PCDH1: variants seen among roughly 807,000 people sequenced by gnomAD.
PCDH1 encodes the protein protocadherin 1.
Under a neutral mutation model 74.6 loss-of-function variants are expected in PCDH1, and 23 were observed. The observed-to-expected ratio is 0.31, with a 90% CI of 0.22 to 0.44. PCDH1 has a LOEUF of 0.44. Ranked by LOEUF, PCDH1 falls within the 20% of genes least tolerant of loss-of-function variation. The probability of loss-of-function intolerance (pLI) is 1.00; values close to 1 mark genes in which losing one functional copy is unlikely to be tolerated. For synonymous variants in PCDH1, 647 were observed against 686.1 expected (o/e 0.94, Z 0.89); for missense variants, 1,214 against 1,641.4 (o/e 0.74, Z 4.50).
rs1752949762 is a variant in PCDH1 at position 141,868,421 on chromosome 5, A to T, written c.903+148T>A. 7.1e-7 allele frequency: 1 copy of T among 1,407,472 alleles called. No individual in the cohort carries two copies. Among genetic ancestry groups the T allele is most frequent in the East Asian group, 2.6e-5 (1 of 39,154 alleles). 87.2% of individuals were successfully genotyped at this position (1,407,472 alleles called of 1,614,324 possible). A position where few individuals can be genotyped will look rare whatever the true frequency, so the allele number is the denominator to read the frequency against. On this transcript the variant is annotated intron_variant, in intron 2 of 4. Coordinates refer to ENST00000287008, the MANE Select transcript of PCDH1 (RefSeq NM_032420.5). This position sits in a 1 kb window ranked among gnomAD's most constrained non-coding sequence, Gnocchi z 4.8. The stretch of plus-strand genomic sequence containing the variant: ...CACCTGCTGGGGTGGGGTGGGAAAG[A>T]CTCCCCTGGCTGAGTTTGGGGAGAA...
At position 141,878,222 on chromosome 5, in the gene PCDH1, C is replaced by A; in HGVS notation, c.40+1G>T. On this transcript the variant is annotated splice_donor_variant, in intron 1 of 4. Coordinates refer to ENST00000287008, the MANE Select transcript of PCDH1 (RefSeq NM_032420.5). LOFTEE classifies it high-confidence loss of function. The surrounding 1 kb of genome is among the most constrained non-coding windows in gnomAD (Gnocchi z 5.5). The stretch of plus-strand genomic sequence containing the variant: ...TGCCTCCACCGCCGCCGGATCCTTA[C>A]CCGCCTCCGGGCAGCGCCGGCCGCC... 2 of 1,418,816 alleles carry A rather than the reference C, an allele frequency of 1.4e-6. No individual in the cohort carries two copies. Among genetic ancestry groups the A allele is most frequent in the Admixed American group, 2.7e-5 (1 of 36,978 alleles). The allele number at this position is 1,418,816 out of a possible 1,614,324, so 87.9% of individuals were successfully genotyped here. A position where few individuals can be genotyped will look rare whatever the true frequency, so the allele number is the denominator to read the frequency against.
At chr5:141,855,506 T>C (rs1241241732) in intron 4 of PCDH1, among the ~76,000 whole-genome samples, 3 of 152,040 alleles carry the variant, frequency 2.0e-5, no homozygotes, top group Non-Finnish European at 4.4e-5. Context: ...CACACACAGA[T>C]AGGCATGGAT....
At position 141,869,299 on chromosome 5, in the gene PCDH1, G is replaced by C; in HGVS notation, c.173C>G (p.Thr58Ser). 1.2e-6 allele frequency: 2 copies of C among 1,605,004 alleles called. No individual in the cohort carries two copies. Among genetic ancestry groups the C allele is most frequent in the Non-Finnish European group, 1.7e-6 (2 of 1,176,096 alleles). The change falls in exon 2 of 5, where the codon ACT becomes AGT. Residue 58 changes from threonine to serine, a missense_variant. Physicochemically the swap from Thr to Ser is moderately conservative, Grantham distance 58. This residue lies in a region of PCDH1 where 87 missense variants were observed against 87.7 expected (regional missense o/e 0.99). Transcript: ENST00000287008. The surrounding 1 kb of genome is among the most constrained non-coding windows in gnomAD (Gnocchi z 4.9). The stretch of plus-strand genomic sequence containing the variant: ...CTCCGGCACCTTGTACACTACCCGA[G>C]TGGCGTGGCCTGGGGATGGAGCCAG... ...LLLAPSPGHATRVVYKVPEEQ... is the reference protein window; with the variant it reads ...LLLAPSPGHASRVVYKVPEEQ...
intron 4 of PCDH1, among the ~76,000 whole-genome samples, 173 bp downstream of exon 4, chr5:141,857,079 A>T (rs1752376458): frequency 6.6e-6 from 1 of 152,218 alleles, no homozygotes; most frequent in African/African-American, 2.4e-5. Context: ...AAAGTTCTCA[A>T]ATCACAGAGT....
intron 3 of PCDH1, among the ~76,000 whole-genome samples, chr5:141,859,391 C>T (rs1236369989): frequency 6.6e-6 from 1 of 152,140 alleles, no homozygotes; most frequent in Non-Finnish European, 1.5e-5. Flanking sequence ...ACTTAATGTT[C>T]CCTCTAATTT....
Position 141,861,115 on chromosome 5 carries a change from CAAAAAAA to C in PCDH1, c.3099+2110_3099+2116del, listed in dbSNP as rs59007688. ...GGGCAACAAGAGCAAAACTCCATCT[CAAAAAAA>C]AAAAAAAAAAAAAAAAAGGAAGTGA... On this transcript the variant is annotated intron_variant, in intron 3 of 4. Coordinates refer to ENST00000287008, the MANE Select transcript of PCDH1 (RefSeq NM_032420.5). 3.1e-4 allele frequency among the ~76,000 whole-genome samples: 19 copies of C among 61,944 alleles called. No homozygotes were observed. The East Asian group carries it at 7.6e-3, about 25-fold the overall frequency. The allele number at this position is 61,944 out of a possible 152,430, so 40.6% of individuals were successfully genotyped here. A position where few individuals can be genotyped will look rare whatever the true frequency, so the allele number is the denominator to read the frequency against.
chr5:141,871,935 T>C (rs1561488873), intron 1 of PCDH1, among the ~76,000 whole-genome samples: 1 of 152,186 alleles, frequency 6.6e-6, no homozygotes, highest in South Asian at 2.1e-4. Flanking sequence ...TTAGGGCACA[T>C]AGTAGACTCT....
At chr5:141,861,740 T>A (rs1357834952) in intron 3 of PCDH1, among the ~76,000 whole-genome samples, 1 of 152,012 alleles carries the variant, frequency 6.6e-6, no homozygotes, top group Non-Finnish European at 1.5e-5. Flanking sequence ...TGGAGATAGG[T>A]TGCCTCTGGC....
intron 2 of PCDH1, among the ~76,000 whole-genome samples, chr5:141,867,302 G>A (rs151245008): frequency 3.5e-4 from 53 of 152,088 alleles, no homozygotes; most frequent in South Asian, 1.0e-3. Context: ...CTACTCTCCC[G>A]CTTCACCTCA....
rs780488014 is a variant in PCDH1 at position 141,869,157 on chromosome 5, T to G, written c.315A>C (p.Thr105=). ...GAPYLRVDGK[T]GDIFTTETSI... ...AGGTCTCGGTGGTGAAAATGTCACC[T>G]GTCTTGCCATCCACGCGAAGGTACG... The change falls in exon 2 of 5, where the codon ACA becomes ACC. Residue 105 remains threonine (T), a synonymous_variant. Coordinates refer to ENST00000287008, the MANE Select transcript of PCDH1 (RefSeq NM_032420.5). The surrounding 1 kb of genome is among the most constrained non-coding windows in gnomAD (Gnocchi z 4.9). 1 of 1,600,444 alleles carries G rather than the reference T, an allele frequency of 6.2e-7. No homozygotes were observed.
At chr5:141,875,114 T>C (rs1753187748) in intron 1 of PCDH1, among the ~76,000 whole-genome samples, 1 of 152,228 alleles carries the variant, frequency 6.6e-6, no homozygotes, top group Non-Finnish European at 1.5e-5. Context: ...CTTGAAATTA[T>C]TTGGGAGAAT....
chr5:141,853,700 C>T lies in PCDH1; in HGVS notation c.*342G>A, dbSNP rs984228013. The T allele has an allele frequency of 1.3e-5, 3 of 229,766 alleles. No homozygotes were observed. The highest frequency in any genetic ancestry group is 2.5e-5 in the Non-Finnish European group (3 of 118,404). 14.2% of individuals were successfully genotyped at this position (229,766 alleles called of 1,614,324 possible). On this transcript the variant is annotated 3_prime_UTR_variant, in exon 5 of 5. Transcript: ENST00000287008. ...TGAGGGAAACAATGAGTTAGAAGTA[C>T]GCTGCCCACCCTTGACTCCACCATC...
At chr5:141,867,472 T>C in intron 2 of PCDH1, 1 of 416,016 alleles carries the variant, frequency 2.4e-6, no homozygotes, top group South Asian at 1.7e-5. Context: ...ATACTTACCT[T>C]GTACTGTAAG....
chr5:141,877,996 A>T (rs1596565247), intron 1 of PCDH1, among the ~76,000 whole-genome samples: 1 of 150,908 alleles, frequency 6.6e-6, no homozygotes, highest in Non-Finnish European at 1.5e-5. Flanking sequence ...TCTGCTCAGC[A>T]CCCCCTCCCC....
intron 4 of PCDH1, 84 bp downstream of exon 4, chr5:141,857,168 A>G (rs1488675790): frequency 1.1e-5 from 12 of 1,124,950 alleles, no homozygotes; most frequent in South Asian, 1.6e-5. Flanking sequence ...AACTCAATAC[A>G]TAGATGATTT....
In PCDH1 at chr5:141,876,983, G is replaced by A. The variant is rs1476832882; in HGVS notation, c.40+1240C>T. Among the ~76,000 whole-genome samples, 8 of 152,270 alleles carry A rather than the reference G, an allele frequency of 5.3e-5. 1 individual carries two copies. The East Asian group carries it at 1.2e-3, about 22-fold the overall frequency. On this transcript the variant is annotated intron_variant, in intron 1 of 4. Coordinates refer to ENST00000287008, the MANE Select transcript of PCDH1 (RefSeq NM_032420.5). ...CCCGGAACACCAGCCGGTTCGGCCC[G>A]GGAGTGGGGGTTGGGGAGGCGCCGA...
chr5:141,853,306 T>TC lies in PCDH1; in HGVS notation c.*735dup, dbSNP rs900907487. On this transcript the variant is annotated 3_prime_UTR_variant, in exon 5 of 5. Coordinates refer to ENST00000287008, the MANE Select transcript of PCDH1 (RefSeq NM_032420.5). ...CAGGGAGGAGGGGGCACAGGGCAGGTCCCCCCCCAGAGGGGTCCCCCAAGA... is the reference window on the plus strand; with the variant it reads ...CAGGGAGGAGGGGGCACAGGGCAGGTCCCCCCCCCAGAGGGGTCCCCCAAGA... 1.4e-4 allele frequency: 21 copies of TC among 149,166 alleles called. No homozygotes were observed. Among genetic ancestry groups the TC allele is most frequent in the African/African-American group, 3.0e-4 (12 of 40,124 alleles). 9.2% of individuals were successfully genotyped at this position (149,166 alleles called of 1,614,324 possible). A position where few individuals can be genotyped will look rare whatever the true frequency, so the allele number is the denominator to read the frequency against.
In PCDH1 at chr5:141,878,376, T is replaced by A; in HGVS notation, c.-114A>T. On this transcript the variant is annotated 5_prime_UTR_variant, in exon 1 of 5. Transcript: ENST00000287008. The surrounding 1 kb of genome is among the most constrained non-coding windows in gnomAD (Gnocchi z 5.5). ...TCTGGGCGCAGCAGCCCGGCGGCTT[T>A]GCGTCCGCGCCGCGCTCCCGCTCCC... 1 of 776,310 alleles carries A rather than the reference T, an allele frequency of 1.3e-6. No homozygotes were observed. Among genetic ancestry groups the A allele is most frequent in the Non-Finnish European group, 1.7e-6 (1 of 598,634 alleles). 48.1% of individuals were successfully genotyped at this position (776,310 alleles called of 1,614,324 possible).
intron 3 of PCDH1, chr5:141,862,683 A>T: frequency 2.0e-6 from 2 of 989,300 alleles, no homozygotes; most frequent in Non-Finnish European, 2.4e-6. Context: ...TGTCAGGGTC[A>T]AGGGCATGTG....
Sources: allele counts gnomAD v4.1 joint callset (sites outside exome capture counted in the v4.1 genomes callset), GRCh38; gene constraint gnomAD v4.1.1; regional missense constraint gnomAD v4.1.1; non-coding constraint Gnocchi (gnomAD v3.1); transcripts MANE v1.5; gene names NCBI Gene and HGNC (gene_info 2026-07-23, HGNC 2026-07-21).